Variants in ARMC2 observed in about 807,000 individuals in gnomAD.
ARMC2 encodes armadillo repeat containing 2, also known as armadillo repeat-containing protein 2.
A neutral mutation model predicts 90.3 loss-of-function variants in ARMC2; 67 were observed. That is an observed-to-expected ratio of 0.74 (90% confidence interval 0.61 to 0.91). The LOEUF (loss-of-function observed/expected upper bound fraction) is 0.91, where lower values mean the gene tolerates loss of function less well. Ranked by LOEUF, ARMC2 falls within the 40% of genes least tolerant of loss-of-function variation. The pLI, the probability that ARMC2 is intolerant of heterozygous loss-of-function variation, is 0.00. For synonymous variants in ARMC2, 393 were observed against 393.0 expected, an observed-to-expected ratio of 1.00 and a Z score of 0.00; for missense variants, 920 against 1,030.9, an observed-to-expected ratio of 0.89 and a Z score of 1.47.
At chr6:108,900,719 C>T (rs1430625125) in intron 7 of ARMC2, among the ~76,000 whole-genome samples, 1 of 152,178 alleles carries the variant, frequency 6.6e-6, no homozygotes, top group African/African-American at 2.4e-5. Flanking sequence ...GAGCCCTGGA[C>T]GGGGTTCTGG....
At chr6:109,039,035 AAG>A in the ARMC2 span, among the ~76,000 whole-genome samples, 13 of 123,282 alleles carry the variant, frequency 1.1e-4, no homozygotes, top group Admixed American at 2.3e-4. Context: ...AAGAGAAAGA[AAG>A]AAGAAGGAGG....
At chr6:108,944,260 C>T (rs1366418640) in intron 12 of ARMC2, among the ~76,000 whole-genome samples, 1 of 152,210 alleles carries the variant, frequency 6.6e-6, no homozygotes, top group African/African-American at 2.4e-5. Flanking sequence ...TGTAGGCTTC[C>T]CAGTAAGTGG....
intron 15 of ARMC2, among the ~76,000 whole-genome samples, chr6:108,962,796 C>T (rs1315725996): frequency 3.9e-5 from 6 of 152,118 alleles, no homozygotes; most frequent in South Asian, 4.1e-4. Context: ...CTTGAGGGCA[C>T]GAGTTTGAGA....
At chr6:108,859,257 A>G (rs1360348097) in intron 3 of ARMC2, among the ~76,000 whole-genome samples, 2 of 152,030 alleles carry the variant, frequency 1.3e-5, no homozygotes, top group African/African-American at 2.4e-5. Flanking sequence ...GTCCTGCCCA[A>G]CCACTTTCCC....
intron 8 of ARMC2, chr6:108,907,966 T>C: frequency 2.7e-6 from 3 of 1,096,628 alleles, no homozygotes; most frequent in Non-Finnish European, 3.9e-6. Flanking sequence ...TACCTAATCA[T>C]TAAACATTTA....
chr6:109,000,482 ACTG>A, the ARMC2 span: 1 of 1,520,726 alleles, frequency 6.6e-7, no homozygotes, highest in Non-Finnish European at 8.8e-7. Flanking sequence ...ATATTACCCC[ACTG>A]CTTACCTCAA....
Position 108,854,315 on chromosome 6 carries a change from T to C in ARMC2, c.48T>C (p.Tyr16=). ...TGTTAGGAAAACTGGATCCATTTTA[T>C]CAACCTTCAGTGTCCAAGCAGAAGA... ...DKMLGKLDPF[Y]QPSVSKQKTS... Residue 16 remains tyrosine, a synonymous_variant, in exon 2 of 18, where the codon TAT becomes TAC. Transcript: ENST00000392644. The C allele has an allele frequency of 6.2e-7, 1 of 1,612,534 alleles. No individual in the cohort carries two copies. The highest frequency in any genetic ancestry group is 2.2e-5 in the East Asian group (1 of 44,772).
At chr6:108,962,183 A>G in intron 15 of ARMC2, 56 bp downstream of exon 15, 1 of 1,376,024 alleles carries the variant, frequency 7.3e-7, no homozygotes, top group South Asian at 1.3e-5. Flanking sequence ...TAATCAGCTG[A>G]GTGGTTTTGC....
intron 12 of ARMC2, among the ~76,000 whole-genome samples, chr6:108,939,331 A>C (rs1231898939): frequency 6.6e-6 from 1 of 151,984 alleles, no homozygotes; most frequent in African/African-American, 2.4e-5. Context: ...AATCCCCTGG[A>C]TTGGAGGTGG....
At chr6:109,040,107 A>G in the ARMC2 span, among the ~76,000 whole-genome samples, 1 of 152,212 alleles carries the variant, frequency 6.6e-6, no homozygotes, top group Admixed American at 6.5e-5. Flanking sequence ...TTAGCGTAAA[A>G]ACTTCAGTCA....
the ARMC2 span, among the ~76,000 whole-genome samples, chr6:108,980,046 C>A: frequency 6.6e-6 from 1 of 151,806 alleles, no homozygotes; most frequent in Non-Finnish European, 1.5e-5. Context: ...GGCAAGGAGT[C>A]GTGATCTTTT....
At chr6:108,916,639 C>T (rs1225899662) in intron 10 of ARMC2, among the ~76,000 whole-genome samples, 1 of 152,156 alleles carries the variant, frequency 6.6e-6, no homozygotes, top group African/African-American at 2.4e-5. Context: ...ACAGGCAAGG[C>T]CCCTAAATGC....
At chr6:108,977,268 T>G (rs1004691024), downstream of ARMC2, among the ~76,000 whole-genome samples, 1 of 152,242 alleles carries the variant, frequency 6.6e-6, no homozygotes, top group Non-Finnish European at 1.5e-5. Flanking sequence ...CATGTGTTTT[T>G]TGTCATTGGT....
At chr6:109,044,433 A>C in the ARMC2 span, among the ~76,000 whole-genome samples, 8 of 151,892 alleles carry the variant, frequency 5.3e-5, no homozygotes, top group Non-Finnish European at 1.0e-4. Flanking sequence ...ATCCATACGC[A>C]AAGAAAAGAA....
the ARMC2 span, among the ~76,000 whole-genome samples, chr6:109,030,895 C>T: frequency 1.3e-5 from 2 of 152,200 alleles, no homozygotes; most frequent in African/African-American, 4.8e-5. Context: ...TGCAGGTCTG[C>T]TCTGACTTCA....
chr6:108,963,255 T>C (rs949040440), intron 15 of ARMC2, among the ~76,000 whole-genome samples: 8 of 152,246 alleles, frequency 5.3e-5, no homozygotes, highest in African/African-American at 1.9e-4. Flanking sequence ...CTTTGACTCT[T>C]TGTATGTCTC....
chr6:108,980,378 G>T, the ARMC2 span, among the ~76,000 whole-genome samples: 1 of 152,014 alleles, frequency 6.6e-6, no homozygotes, highest in Non-Finnish European at 1.5e-5. Context: ...GTCCCAGAGG[G>T]GTACCTGCCA....
At chr6:109,045,457 TA>T in the ARMC2 span, among the ~76,000 whole-genome samples, 1 of 128,402 alleles carries the variant, frequency 7.8e-6, no homozygotes, top group Non-Finnish European at 1.5e-5. Context: ...TCACATGGCA[TA>T]TAATTCCATT....
the ARMC2 span, among the ~76,000 whole-genome samples, chr6:108,983,485 A>G: frequency 6.6e-6 from 1 of 152,142 alleles, no homozygotes; most frequent in Admixed American, 6.5e-5. Flanking sequence ...TAGTTTTCCT[A>G]GCACCATTTG....
Sources: gnomAD v4.1 joint callset for allele counts (sites outside exome capture counted in the v4.1 genomes callset) on GRCh38, gnomAD v4.1.1 for gene constraint, MANE v1.5 for transcripts, NCBI Gene and HGNC (gene_info 2026-07-23, HGNC 2026-07-21) for gene names.